Variants in GRHL1 observed in about 807,000 individuals in gnomAD.
GRHL1 encodes the protein grainyhead-like protein 1 homolog.
A neutral mutation model predicts 75.7 loss-of-function variants in GRHL1; 38 were observed. The observed-to-expected ratio is 0.50, with a 90% CI of 0.39 to 0.66. The LOEUF is 0.66. Ranked by LOEUF, GRHL1 falls within the 30% of genes least tolerant of loss-of-function variation. The pLI is 0.00. For missense variants in GRHL1, 589 were observed against 767.5 expected, an observed-to-expected ratio of 0.77 and a Z score of 2.75; for synonymous variants, 266 against 279.4, an observed-to-expected ratio of 0.95 and a Z score of 0.48.
At position 9,992,106 on chromosome 2, in the gene GRHL1, T is replaced by G. The variant is rs1239577094; in HGVS notation, c.1421T>G (p.Ile474Ser). The G allele has an allele frequency of 6.2e-7, 1 of 1,613,802 alleles. No individual in the cohort carries two copies. The highest frequency in any genetic ancestry group is 1.3e-5 in the African/African-American group (1 of 74,920). ...CTCGATACTCAGCCTGTCCTCTTCATTCCTGACGTGCACTTTGCCAACTTG... is the reference window on the plus strand; with the variant it reads ...CTCGATACTCAGCCTGTCCTCTTCAGTCCTGACGTGCACTTTGCCAACTTG... ...IDLDTQPVLF[I>S]PDVHFANLQR... Residue 474 changes from isoleucine to serine, a missense_variant, in exon 11 of 16, where the codon ATT becomes AGT. Coordinates refer to ENST00000324907, the MANE Select transcript of GRHL1 (RefSeq NM_198182.3). This position sits in a 1 kb window ranked among gnomAD's most constrained non-coding sequence, Gnocchi z 4.6.
Position 9,991,084 on chromosome 2 carries a change from A to G in GRHL1, c.1321+337A>G, listed in dbSNP as rs187337769. Reference sequence around the variant, plus strand: ...ACTGTTAAAATTGGGACTTATCTAGATTTTTTAAAGTAATAATAATGGTCT... The same window carrying G: ...ACTGTTAAAATTGGGACTTATCTAGGTTTTTTAAAGTAATAATAATGGTCT... On this transcript the variant is annotated intron_variant, in intron 10 of 15. Coordinates refer to ENST00000324907, the MANE Select transcript of GRHL1 (RefSeq NM_198182.3). Among the ~76,000 whole-genome samples the G allele has an allele frequency of 2.8e-4, 43 of 152,278 alleles. No individual in the cohort carries two copies. The East Asian group carries it at 6.9e-3, about 25-fold the overall frequency.
At chr2:9,981,025 G>A (rs1668174499) in intron 8 of GRHL1, among the ~76,000 whole-genome samples, 1 of 152,244 alleles carries the variant, frequency 6.6e-6, no homozygotes, top group African/African-American at 2.4e-5. Flanking sequence ...CTGCCCATTA[G>A]GTAGAATCCA....
chr2:9,980,160 G>GT (rs200425902), intron 8 of GRHL1, among the ~76,000 whole-genome samples: 4,841 of 136,602 alleles, frequency 0.035, 283 homozygotes, highest in African/African-American at 0.12. Flanking sequence ...GGGTTTGGTG[G>GT]TTTGTTTTTT....
At chr2:9,969,502 G>A (rs985892366) in intron 8 of GRHL1, among the ~76,000 whole-genome samples, 1 of 152,192 alleles carries the variant, frequency 6.6e-6, no homozygotes, top group South Asian at 2.1e-4. Flanking sequence ...GCAACATTAT[G>A]GACTCACTAA....
Position 10,000,584 on chromosome 2 carries a change from C to G in GRHL1, c.1743-9C>G, listed in dbSNP as rs373525606. 4.2e-5 allele frequency: 66 copies of G among 1,563,468 alleles called. 1 individual carries two copies. The highest frequency in any genetic ancestry group is 1.8e-4 in the African/African-American group (13 of 73,992). On this transcript the variant is annotated splice_polypyrimidine_tract_variant and intron_variant, in intron 15 of 15. Coordinates refer to ENST00000324907, the MANE Select transcript of GRHL1 (RefSeq NM_198182.3). Reference sequence around the variant, plus strand: ...GTGAAGTTGGTTGGTCTTGTCCCCCCCCATCCAGGATCCTGGTGAACATGG... The same window carrying G: ...GTGAAGTTGGTTGGTCTTGTCCCCCGCCATCCAGGATCCTGGTGAACATGG...
chr2:9,993,500 G>T (rs1668732366), intron 12 of GRHL1, among the ~76,000 whole-genome samples: 1 of 152,218 alleles, frequency 6.6e-6, no homozygotes, highest in Non-Finnish European at 1.5e-5. Context: ...AGCAAAAAAG[G>T]ATCCAGTTCA....
At position 10,000,658 on chromosome 2, in the gene GRHL1, A is replaced by G; in HGVS notation, c.1808A>G (p.Gln603Arg). The change falls in exon 16 of 16, where the codon CAG becomes CGG. Residue 603 changes from glutamine (Q) to arginine (R), a missense_variant. Gln to Arg is a conservative substitution (Grantham distance 43). This residue lies in a region of GRHL1 where 192 missense variants were observed against 226.6 expected (regional missense o/e 0.85). Transcript: ENST00000324907. ...TCCAATGAGGACACCTTCCAGCTGCAGATTGAAGAAGCCGGGGGGTCTTAC... is the reference window on the plus strand; with the variant it reads ...TCCAATGAGGACACCTTCCAGCTGCGGATTGAAGAAGCCGGGGGGTCTTAC... ...HYSNEDTFQLQIEEAGGSYKL... is the reference protein window; with the variant it reads ...HYSNEDTFQLRIEEAGGSYKL... 6.2e-7 allele frequency: 1 copy of G among 1,613,212 alleles called. No homozygotes were observed. The highest frequency in any genetic ancestry group is 8.5e-7 in the Non-Finnish European group (1 of 1,179,250).
chr2:9,994,407 T>C (rs981185203), intron 12 of GRHL1, among the ~76,000 whole-genome samples: 3 of 151,898 alleles, frequency 2.0e-5, no homozygotes, highest in Non-Finnish European at 4.4e-5. Flanking sequence ...CTTTCTGTTA[T>C]CTGCCCTCAG....
chr2:9,959,078 C>T (rs924038777), intron 3 of GRHL1: 43 of 430,266 alleles, frequency 1.0e-4, no homozygotes, highest in Middle Eastern at 8.8e-4. Context: ...GATGAAAGCA[C>T]TAACATTCTC....
chr2:9,981,067 G>A (rs1355454153), intron 8 of GRHL1, among the ~76,000 whole-genome samples: 1 of 152,232 alleles, frequency 6.6e-6, no homozygotes, highest in Non-Finnish European at 1.5e-5. Flanking sequence ...AACAAAGTGT[G>A]CCCATCTTGT....
intron 8 of GRHL1, among the ~76,000 whole-genome samples, chr2:9,973,678 A>C (rs1667827801): frequency 6.6e-6 from 1 of 152,242 alleles, no homozygotes; most frequent in South Asian, 2.1e-4. Flanking sequence ...GTCTTAGAGC[A>C]ATCTTTTTGA....
At position 9,951,756 on chromosome 2, in the gene GRHL1, G is replaced by A. The variant is rs1256953634; in HGVS notation, c.-78G>A. ...CTCCGGACCCGCAGCCGCCGCCGCCGCCTCCTCCCCCCGGATCGGGTGTAC... is the reference window on the plus strand; with the variant it reads ...CTCCGGACCCGCAGCCGCCGCCGCCACCTCCTCCCCCCGGATCGGGTGTAC... On this transcript the variant is annotated 5_prime_UTR_variant, in exon 1 of 16. Transcript: ENST00000324907. The surrounding 1 kb of genome is among the most constrained non-coding windows in gnomAD (Gnocchi z 4.2). 2.9e-5 allele frequency: 38 copies of A among 1,322,844 alleles called. No homozygotes were observed. Among genetic ancestry groups the A allele is most frequent in the Non-Finnish European group, 3.8e-5 (37 of 979,372 alleles). 81.9% of individuals were successfully genotyped at this position (1,322,844 alleles called of 1,614,324 possible).
In GRHL1 at chr2:9,954,892, T is replaced by G. The variant is rs192394910; in HGVS notation, c.21-23T>G. On this transcript the variant is annotated intron_variant, in intron 1 of 15. Coordinates refer to ENST00000324907, the MANE Select transcript of GRHL1 (RefSeq NM_198182.3). ...TGCAGTAGAAAAGTGTGTGTTTTTG[T>G]TTTTTTTTTAATTTCTCTGAAGCAA... 23 of 1,426,926 alleles carry G rather than the reference T, an allele frequency of 1.6e-5. No homozygotes were observed. In the Admixed American group the frequency reaches 1.7e-4, roughly 10 times the overall value. The allele number at this position is 1,426,926 out of a possible 1,614,324, so 88.4% of individuals were successfully genotyped here. A position where few individuals can be genotyped will look rare whatever the true frequency, so the allele number is the denominator to read the frequency against.
intron 7 of GRHL1, chr2:9,964,578 G>A: frequency 4.9e-6 from 2 of 411,374 alleles, no homozygotes; most frequent in Non-Finnish European, 4.3e-6. Flanking sequence ...GGACACTAGG[G>A]CCAGAAGCCA....
At chr2:9,955,800 G>A (rs1225948289) in intron 2 of GRHL1, among the ~76,000 whole-genome samples, 5 of 152,228 alleles carry the variant, frequency 3.3e-5, no homozygotes, top group Admixed American at 3.3e-4. Flanking sequence ...CCATGGCCGA[G>A]GCCACTGTCT....
At chr2:9,999,412 A>C (rs1669170950) in intron 15 of GRHL1, among the ~76,000 whole-genome samples, 2 of 152,236 alleles carry the variant, frequency 1.3e-5, no homozygotes, top group Admixed American at 1.3e-4. Flanking sequence ...GCCACTGAGG[A>C]TGGCCAGGGC....
chr2:9,957,535 G>A (rs113778056), intron 2 of GRHL1, among the ~76,000 whole-genome samples: 74 of 151,822 alleles, frequency 4.9e-4, no homozygotes, highest in African/African-American at 1.5e-3. Flanking sequence ...TCAGCCTCCC[G>A]AGTAGCTAGG....
chr2:9,969,701 T>C (rs1443371088), intron 8 of GRHL1, among the ~76,000 whole-genome samples: 1 of 152,084 alleles, frequency 6.6e-6, no homozygotes, highest in Non-Finnish European at 1.5e-5. Flanking sequence ...AAGGAGGGGA[T>C]GTCTGGGGGT....
In GRHL1 at chr2:9,969,928, C is replaced by T. The variant is rs564623674; in HGVS notation, c.1110+4547C>T. On this transcript the variant is annotated intron_variant, in intron 8 of 15. Transcript: ENST00000324907. ...CGCTATCTTGACTCACTGCAAGCTC[C>T]GCCTCCCAGGTTCACGCCATTCTCC... is the stretch of plus-strand genomic sequence containing the variant. 1.9e-3 allele frequency among the ~76,000 whole-genome samples: 289 copies of T among 150,148 alleles called. 1 individual carries two copies. The highest frequency in any genetic ancestry group is 6.7e-3 in the African/African-American group (274 of 40,616).
Sources: gnomAD v4.1 joint callset for allele counts (sites outside exome capture counted in the v4.1 genomes callset) on GRCh38, gnomAD v4.1.1 for gene constraint, gnomAD v4.1.1 regional missense constraint, Gnocchi (gnomAD v3.1) non-coding constraint, MANE v1.5 for transcripts, NCBI Gene and HGNC (gene_info 2026-07-23, HGNC 2026-07-21) for gene names.